The following CACNA1D variants were observed in gnomAD, a reference collection of about 807,000 sequenced individuals.
The protein encoded by CACNA1D is calcium voltage-gated channel subunit alpha1 D.
CACNA1D carries 55 observed loss-of-function variants against 257.1 expected under a neutral mutation model. That is an observed-to-expected ratio of 0.21 (90% CI 0.17 to 0.27). CACNA1D has a LOEUF of 0.27. Among genes scored for constraint, CACNA1D ranks in the 10% least tolerant of loss-of-function variants. The pLI, the probability that CACNA1D is intolerant of heterozygous loss-of-function variation, is 1.00. For missense variants in CACNA1D, 1,876 were observed against 2,784.0 expected (o/e 0.67, Z 7.34); for synonymous variants, 980 against 1,014.9 (o/e 0.97, Z 0.65).
chr3:53,667,500 AATC>A (rs2094279009), intron 7 of CACNA1D, among the ~76,000 whole-genome samples: 1 of 152,218 alleles, frequency 6.6e-6, no homozygotes, highest in South Asian at 2.1e-4. Flanking sequence ...GTAGTTCTGA[AATC>A]AGCAGCTTTT....
chr3:53,654,418 A>G (rs2094128927), intron 4 of CACNA1D, among the ~76,000 whole-genome samples: 1 of 152,242 alleles, frequency 6.6e-6, no homozygotes, highest in Non-Finnish European at 1.5e-5. Context: ...AGCATGAAGA[A>G]TAGGAACAGG....
Position 53,762,049 on chromosome 3 carries a change from A to G in CACNA1D, c.3838A>G (p.Ser1280Gly). 1 of 1,613,854 alleles carries G rather than the reference A, an allele frequency of 6.2e-7. No homozygotes were observed. Among genetic ancestry groups the G allele is most frequent in the Non-Finnish European group, 8.5e-7 (1 of 1,179,704 alleles). The change falls in exon 30 of 48, where the codon AGC becomes GGC. Residue 1280 changes from serine to glycine, a missense_variant. This residue lies in a region of CACNA1D where 204 missense variants were observed against 309.4 expected (regional missense o/e 0.66). Coordinates refer to ENST00000350061, the MANE Select transcript of CACNA1D (RefSeq NM_001128840.3). ...GTTTGACTCCCTCATCGTAATCGGC[A>G]GCATTATAGACGTGGCCCTCAGCGA... is the stretch of plus-strand genomic sequence containing the variant. ...NTFDSLIVIG[S>G]IIDVALSEAD...
intron 1 of CACNA1D, among the ~76,000 whole-genome samples, chr3:53,496,006 G>A (rs2090327191): frequency 6.6e-6 from 1 of 152,220 alleles, no homozygotes; most frequent in Non-Finnish European, 1.5e-5. Context: ...AAGCCTTTCC[G>A]GGTGAGCGCT....
intron 3 of CACNA1D, among the ~76,000 whole-genome samples, chr3:53,527,919 A>G (rs563299669): frequency 1.3e-5 from 2 of 152,282 alleles, no homozygotes; most frequent in African/African-American, 2.4e-5. Context: ...GGCTCTCATT[A>G]GAACTTCTGG....
At chr3:53,753,515 A>G in intron 28 of CACNA1D, 57 bp from the exon 29 acceptor site, 4 of 1,159,406 alleles carry the variant, frequency 3.5e-6, no homozygotes, top group Non-Finnish European at 5.2e-6. Context: ...CTCCATGTGC[A>G]AGCATGTGAG....
chr3:53,577,869 A>C (rs937340447), intron 3 of CACNA1D, among the ~76,000 whole-genome samples: 8 of 152,214 alleles, frequency 5.3e-5, no homozygotes, highest in African/African-American at 1.9e-4. Flanking sequence ...CACTTCCTTC[A>C]AACATTAAGT....
In CACNA1D at chr3:53,593,448, A is replaced by G. The variant is rs148409825; in HGVS notation, c.484-57331A>G. ...TAAATAACTCCCCCCAGCACCTCCT[A>G]CTTTCTCTCCTCAGATGTGTGAGTG... On this transcript the variant is annotated intron_variant, in intron 3 of 47. Coordinates refer to ENST00000350061, the MANE Select transcript of CACNA1D (RefSeq NM_001128840.3). 2.5e-3 allele frequency among the ~76,000 whole-genome samples: 384 copies of G among 152,286 alleles called. 1 individual carries two copies. Among genetic ancestry groups the G allele is most frequent in the Non-Finnish European group, 4.3e-3 (295 of 68,020 alleles).
At chr3:53,736,560 A>C (rs1348893797) in intron 20 of CACNA1D, among the ~76,000 whole-genome samples, 1 of 152,182 alleles carries the variant, frequency 6.6e-6, no homozygotes, top group Non-Finnish European at 1.5e-5. Flanking sequence ...AGCGGTTTAC[A>C]ATATTACTTT....
intron 3 of CACNA1D, among the ~76,000 whole-genome samples, chr3:53,549,133 A>G (rs959564090): frequency 1.3e-5 from 2 of 152,326 alleles, no homozygotes; most frequent in African/African-American, 4.8e-5. Context: ...TTAAATCACA[A>G]TGCAGATGCC....
At chr3:53,666,742 T>C (rs1233450300) in intron 7 of CACNA1D, among the ~76,000 whole-genome samples, 1 of 152,190 alleles carries the variant, frequency 6.6e-6, no homozygotes, top group East Asian at 1.9e-4. Context: ...CTGCGCGATG[T>C]TGGCTTCTGG....
chr3:53,504,968 T>A (rs2090763693), intron 3 of CACNA1D, among the ~76,000 whole-genome samples: 1 of 152,078 alleles, frequency 6.6e-6, no homozygotes, highest in African/African-American at 2.4e-5. Flanking sequence ...CAGACCTTCT[T>A]TGATCCCTAC....
intron 29 of CACNA1D, among the ~76,000 whole-genome samples, chr3:53,758,572 T>C (rs1439337738): frequency 6.6e-6 from 1 of 152,120 alleles, no homozygotes; most frequent in Non-Finnish European, 1.5e-5. Flanking sequence ...ATGGTGACAA[T>C]AGGGTTCTTA....
intron 9 of CACNA1D, among the ~76,000 whole-genome samples, chr3:53,716,356 G>A (rs1238590778): frequency 6.6e-6 from 1 of 152,210 alleles, no homozygotes; most frequent in Non-Finnish European, 1.5e-5. Context: ...TAACCACCAC[G>A]GAAAATGCCG....
At chr3:53,555,818 A>G (rs2092634657) in intron 3 of CACNA1D, among the ~76,000 whole-genome samples, 1 of 152,108 alleles carries the variant, frequency 6.6e-6, no homozygotes. Flanking sequence ...TGCTCAGATT[A>G]TTTATTAATT....
At chr3:53,750,192 C>T (rs532179559) in intron 27 of CACNA1D, among the ~76,000 whole-genome samples, 1 of 152,174 alleles carries the variant, frequency 6.6e-6, no homozygotes, top group Non-Finnish European at 1.5e-5. Context: ...GCTCGGGTGA[C>T]GTGGTGAGGA....
At position 53,789,219 on chromosome 3, in the gene CACNA1D, G is replaced by A. The variant is rs137930627; in HGVS notation, c.4923+2267G>A. On this transcript the variant is annotated intron_variant, in intron 40 of 47. Coordinates refer to ENST00000350061, the MANE Select transcript of CACNA1D (RefSeq NM_001128840.3). This position sits in a 1 kb window ranked among gnomAD's most constrained non-coding sequence, Gnocchi z 4.2. The stretch of plus-strand genomic sequence containing the variant: ...AGTTAGATGATACCAACATATTTTC[G>A]CATGGCTCCATTGGGAGCTGAAGCA... 3.3e-5 allele frequency among the ~76,000 whole-genome samples: 5 copies of A among 152,196 alleles called. No individual in the cohort carries two copies. The highest frequency in any genetic ancestry group is 9.6e-5 in the African/African-American group (4 of 41,522).
At chr3:53,505,078 G>A (rs2090770072) in intron 3 of CACNA1D, among the ~76,000 whole-genome samples, 1 of 149,922 alleles carries the variant, frequency 6.7e-6, no homozygotes, top group Non-Finnish European at 1.5e-5. Flanking sequence ...ATCTAGCAAA[G>A]TGCCTGATGT....
At chr3:53,539,858 T>C (rs1303501352) in intron 3 of CACNA1D, among the ~76,000 whole-genome samples, 1 of 152,246 alleles carries the variant, frequency 6.6e-6, no homozygotes, top group African/African-American at 2.4e-5. Flanking sequence ...TAAACACTTC[T>C]CCATATGTTT....
chr3:53,643,276 G>A (rs2093982098), intron 3 of CACNA1D, among the ~76,000 whole-genome samples: 1 of 152,066 alleles, frequency 6.6e-6, no homozygotes, highest in Non-Finnish European at 1.5e-5. Context: ...GGGAAAAAAT[G>A]ACCTCTATTT....
Sources: gnomAD v4.1 joint callset for allele counts (sites outside exome capture counted in the v4.1 genomes callset) on GRCh38, gnomAD v4.1.1 for gene constraint, gnomAD v4.1.1 regional missense constraint, Gnocchi (gnomAD v3.1) non-coding constraint, MANE v1.5 for transcripts, NCBI Gene and HGNC (gene_info 2026-07-23, HGNC 2026-07-21) for gene names.